Variants in FOXP1 observed in about 807,000 individuals in gnomAD.
The protein encoded by FOXP1 is forkhead box P1.
In FOXP1, 15 loss-of-function variants were observed where a neutral mutation model predicts 98.2. The observed-to-expected ratio is 0.15, with a 90% CI of 0.10 to 0.24. The LOEUF is 0.24. Among genes scored for constraint, FOXP1 ranks in the 10% least tolerant of loss-of-function variants. The probability of loss-of-function intolerance (pLI) is 1.00; values close to 1 mark genes in which losing one functional copy is unlikely to be tolerated. For synonymous variants in FOXP1, 371 were observed against 314.5 expected (o/e 1.18, Z -1.90); for missense variants, 633 against 848.5 (o/e 0.75, Z 3.15).
chr3:70,988,969 G>A (rs989587837), intron 13 of FOXP1, among the ~76,000 whole-genome samples: 3 of 151,716 alleles, frequency 2.0e-5, no homozygotes, highest in Non-Finnish European at 2.9e-5. Context: ...GAGAGAGAGA[G>A]GAGAGAGGGA....
chr3:71,047,655 A>G (rs974738193), intron 9 of FOXP1, among the ~76,000 whole-genome samples: 1 of 152,346 alleles, frequency 6.6e-6, no homozygotes, highest in African/African-American at 2.4e-5. Context: ...TTTCACAGAA[A>G]CAGCCACTAG....
intron 18 of FOXP1, chr3:70,972,081 C>T (rs1476928694): frequency 2.6e-6 from 4 of 1,518,986 alleles, no homozygotes; most frequent in Non-Finnish European, 3.5e-6. Flanking sequence ...ATATGGCGGC[C>T]ACGTTTAAAC....
At chr3:71,329,049 T>A (rs1576997078) in intron 4 of FOXP1, among the ~76,000 whole-genome samples, 1 of 144,912 alleles carries the variant, frequency 6.9e-6, no homozygotes, top group East Asian at 2.1e-4. Flanking sequence ...GTCCTCAATA[T>A]CCTCCACCTG....
intron 3 of FOXP1, among the ~76,000 whole-genome samples, chr3:71,492,595 T>G (rs888848552): frequency 6.6e-6 from 1 of 152,194 alleles, no homozygotes. Flanking sequence ...CCAATACTAC[T>G]GCACTAAGAC....
At chr3:71,188,583 A>G (rs1294107377) in intron 6 of FOXP1, among the ~76,000 whole-genome samples, 1 of 151,948 alleles carries the variant, frequency 6.6e-6, no homozygotes. Context: ...ACGCCCGGCT[A>G]ATTTTTGTAC....
At chr3:71,270,932 G>A (rs6793420) in intron 5 of FOXP1, among the ~76,000 whole-genome samples, 9,681 of 152,314 alleles carry the variant, frequency 0.064, 1,036 homozygotes, top group African/African-American at 0.22. Flanking sequence ...GCACCCATCT[G>A]TTTAAAGAAT....
At chr3:71,512,983 A>G (rs546893579) in intron 2 of FOXP1, among the ~76,000 whole-genome samples, 28 of 152,326 alleles carry the variant, frequency 1.8e-4, no homozygotes, top group Non-Finnish European at 3.5e-4. Flanking sequence ...ACACAGAAGG[A>G]TCCCTGAGAT....
At chr3:71,562,607 T>TTA (rs2046624517) in intron 2 of FOXP1, among the ~76,000 whole-genome samples, 1 of 152,172 alleles carries the variant, frequency 6.6e-6, no homozygotes, top group Non-Finnish European at 1.5e-5. Context: ...TGAATTATCC[T>TTA]TACAACAACC....
At chr3:71,500,479 T>A (rs564105591) in intron 2 of FOXP1, among the ~76,000 whole-genome samples, 1 of 152,262 alleles carries the variant, frequency 6.6e-6, no homozygotes, top group South Asian at 2.1e-4. Flanking sequence ...AGATAGACCA[T>A]CATCCTGCTG....
intron 4 of FOXP1, chr3:71,304,894 C>T (rs2074146652): frequency 6.6e-6 from 1 of 152,136 alleles, no homozygotes; most frequent in Admixed American, 6.5e-5. Flanking sequence ...CAAACAGAGG[C>T]AACAGTTAAC....
At chr3:71,466,354 A>G (rs995099208) in intron 3 of FOXP1, among the ~76,000 whole-genome samples, 1 of 152,230 alleles carries the variant, frequency 6.6e-6, no homozygotes, top group African/African-American at 2.4e-5. Context: ...AACTTCTGTC[A>G]TTCAAAGGGA....
At chr3:70,968,344 T>A (rs1428505175) in intron 19 of FOXP1, 25 of 150,616 alleles carry the variant, frequency 1.7e-4, no homozygotes, top group Non-Finnish European at 2.9e-4. Context: ...TTTCACTAAC[T>A]GCTTCTGCCT....
chr3:71,534,747 CTATT>C (rs1429513973), intron 2 of FOXP1, among the ~76,000 whole-genome samples: 10 of 152,342 alleles, frequency 6.6e-5, no homozygotes, highest in Admixed American at 5.2e-4. Context: ...GGAAAACACT[CTATT>C]TAAGGGCTCA....
chr3:71,461,853 T>TAAGTATCATG (rs1454108395), intron 3 of FOXP1, among the ~76,000 whole-genome samples: 5,022 of 150,234 alleles, frequency 0.033, 251 homozygotes, highest in African/African-American at 0.11. Flanking sequence ...GGACCACAGG[T>TAAGTATCATG]CTCTGGTATC....
At chr3:71,230,666 G>T (rs2066215463) in intron 5 of FOXP1, among the ~76,000 whole-genome samples, 1 of 152,204 alleles carries the variant, frequency 6.6e-6, no homozygotes, top group Non-Finnish European at 1.5e-5. Context: ...GGGGAAGAAA[G>T]AAAGATTGGT....
At chr3:71,145,816 C>G (rs1272359639) in intron 6 of FOXP1, among the ~76,000 whole-genome samples, 1 of 152,128 alleles carries the variant, frequency 6.6e-6, no homozygotes, top group Non-Finnish European at 1.5e-5. Context: ...GGTCAAGTCT[C>G]TTGCCTCTTT....
intron 3 of FOXP1, among the ~76,000 whole-genome samples, chr3:71,402,877 C>T (rs2108219906): frequency 6.6e-6 from 1 of 152,320 alleles, no homozygotes; most frequent in Middle Eastern, 3.4e-3. Context: ...GAACAGGATG[C>T]AGATGACTGC....
At chr3:71,244,398 G>A (rs1407614027) in intron 5 of FOXP1, among the ~76,000 whole-genome samples, 3 of 150,544 alleles carry the variant, frequency 2.0e-5, no homozygotes, top group African/African-American at 7.3e-5. Context: ...CCCTCCCCCC[G>A]AAGCACAGAG....
intron 7 of FOXP1, among the ~76,000 whole-genome samples, chr3:71,095,831 T>G (rs762009078): frequency 1.3e-5 from 2 of 152,186 alleles, no homozygotes; most frequent in Non-Finnish European, 2.9e-5. Flanking sequence ...TTACAAAAAA[T>G]GTGGCATAAT....
Sources: gnomAD v4.1 joint callset for allele counts (sites outside exome capture counted in the v4.1 genomes callset) on GRCh38, gnomAD v4.1.1 for gene constraint, MANE v1.5 for transcripts, NCBI Gene and HGNC (gene_info 2026-07-23, HGNC 2026-07-21) for gene names.